The following ANTXR2 variants were observed in gnomAD, a reference collection of about 807,000 sequenced individuals.
ANTXR2 encodes anthrax toxin receptor 2.
Under a neutral mutation model 73.7 loss-of-function variants are expected in ANTXR2, and 44 were observed. That is an observed-to-expected ratio of 0.60 (90% CI 0.47 to 0.77). The LOEUF is 0.77. Ranked by LOEUF, ANTXR2 falls within the 30% of genes least tolerant of loss-of-function variation. The pLI, the probability that ANTXR2 is intolerant of heterozygous loss-of-function variation, is 0.00. For synonymous variants in ANTXR2, 217 were observed against 205.9 expected (o/e 1.05, Z -0.46); for missense variants, 604 against 592.5 (o/e 1.02, Z -0.20).
intron 16 of ANTXR2, among the ~76,000 whole-genome samples, chr4:79,919,865 T>TTATATATA (rs869257072): frequency 1.2e-3 from 21 of 17,822 alleles, no homozygotes; most frequent in South Asian, 3.9e-3. Context: ...AATACATATT[T>TTATATATA]TATATATATA....
Position 80,033,538 on chromosome 4 carries a change from A to C in ANTXR2, c.730T>G (p.Phe244Val). The C allele has an allele frequency of 6.3e-7, 1 of 1,598,446 alleles. No individual in the cohort carries two copies. The highest frequency in any genetic ancestry group is 8.5e-7 in the Non-Finnish European group (1 of 1,174,492). Residue 244 changes from phenylalanine to valine, a missense_variant, in exon 9 of 17, where the codon TTC becomes GTC. Physicochemically the swap from Phe to Val is conservative, Grantham distance 50. Coordinates refer to ENST00000403729, the MANE Select transcript of ANTXR2 (RefSeq NM_058172.6). ...CTGCCATTCCGACTGCCCAGCATGAATCCTCTTCCACTTAAGACAATCTGA... is the reference window on the plus strand; with the variant it reads ...CTGCCATTCCGACTGCCCAGCATGACTCCTCTTCCACTTAAGACAATCTGA... ...EFQIVLSGRG[F>V]MLGSRNGSVL...
rs1462071493 is a variant in ANTXR2, at chr4:79,958,573, C to T, written c.1428+19048G>A. 1.3e-5 allele frequency among the ~76,000 whole-genome samples: 2 copies of T among 152,182 alleles called. 1 individual carries two copies. Among genetic ancestry groups the T allele is most frequent in the South Asian group, 4.2e-4 (2 of 4,818 alleles). ...TGAGCCCCTCCATGCTCATTTCAGG[C>T]TGTGAAAAACGAAGGTCCTGAAACT... On this transcript the variant is annotated intron_variant, in intron 16 of 16. Coordinates refer to ENST00000403729, the MANE Select transcript of ANTXR2 (RefSeq NM_058172.6).
intron 16 of ANTXR2, among the ~76,000 whole-genome samples, chr4:79,946,296 C>G (rs754988794): frequency 4.6e-5 from 7 of 152,044 alleles, no homozygotes; most frequent in Non-Finnish European, 1.0e-4. Flanking sequence ...CAAACAAACT[C>G]TAAGACAAAG....
intron 11 of ANTXR2, among the ~76,000 whole-genome samples, chr4:80,017,552 C>G (rs4690138): frequency 0.74 from 112,729 of 152,050 alleles, 42,156 homozygotes; most frequent in East Asian, 0.95. Flanking sequence ...ATACATCCCA[C>G]ATGAGTCATT....
intron 16 of ANTXR2, among the ~76,000 whole-genome samples, chr4:79,956,627 T>C (rs1184531968): frequency 1.3e-5 from 2 of 152,110 alleles, no homozygotes; most frequent in African/African-American, 4.8e-5. Flanking sequence ...AGGTGCTCAG[T>C]GACTGTTAGC....
At chr4:79,974,083 A>C (rs1370961610) in intron 16 of ANTXR2, among the ~76,000 whole-genome samples, 1 of 152,210 alleles carries the variant, frequency 6.6e-6, no homozygotes, top group Non-Finnish European at 1.5e-5. Context: ...GGAATCATGT[A>C]GTAAACTGAG....
At chr4:79,960,281 A>C (rs1729095404) in intron 16 of ANTXR2, among the ~76,000 whole-genome samples, 1 of 152,160 alleles carries the variant, frequency 6.6e-6, no homozygotes, top group South Asian at 2.1e-4. Flanking sequence ...TCAAAACAAA[A>C]GTATGCTTAG....
intron 12 of ANTXR2, among the ~76,000 whole-genome samples, chr4:79,986,560 G>A (rs1730170148): frequency 6.6e-6 from 1 of 152,122 alleles, no homozygotes; most frequent in Admixed American, 6.5e-5. Flanking sequence ...GATAAAGAAA[G>A]ATTGACAATA....
Position 79,979,802 on chromosome 4 carries a change from C to T in ANTXR2, c.1180-1628G>A, listed in dbSNP as rs139487340. On this transcript the variant is annotated intron_variant, in intron 14 of 16. Coordinates refer to ENST00000403729, the MANE Select transcript of ANTXR2 (RefSeq NM_058172.6). ...AGATATAGCTAAATTGTATTAAAAA[C>T]TCTAAAATCAGGACACATATCCTTG... 2.6e-3 allele frequency among the ~76,000 whole-genome samples: 397 copies of T among 151,938 alleles called. 4 individuals are homozygous for T. The highest frequency in any genetic ancestry group is 9.0e-3 in the African/African-American group (372 of 41,468).
chr4:80,032,608 T>C (rs527839785), intron 9 of ANTXR2, among the ~76,000 whole-genome samples: 32 of 151,986 alleles, frequency 2.1e-4, no homozygotes, highest in African/African-American at 7.7e-4. Flanking sequence ...TTAATTGGAG[T>C]GTTTATACTC....
chr4:79,908,696 T>C (rs1313718605), intron 16 of ANTXR2, among the ~76,000 whole-genome samples: 1 of 152,136 alleles, frequency 6.6e-6, no homozygotes, highest in African/African-American at 2.4e-5. Flanking sequence ...CTACAAATCA[T>C]ATCAGTGCAA....
chr4:79,934,873 T>C (rs1728198277), intron 16 of ANTXR2, among the ~76,000 whole-genome samples: 1 of 151,966 alleles, frequency 6.6e-6, no homozygotes, highest in African/African-American at 2.4e-5. Context: ...ACTCAGCAGT[T>C]CTTTCATGAA....
At chr4:80,058,280 C>T (rs1365479658) in intron 3 of ANTXR2, among the ~76,000 whole-genome samples, 2 of 151,998 alleles carry the variant, frequency 1.3e-5, no homozygotes, top group Non-Finnish European at 2.9e-5. Flanking sequence ...GCTTATTACA[C>T]TGGAAGAGAG....
intron 3 of ANTXR2, among the ~76,000 whole-genome samples, chr4:80,058,396 A>G (rs1734099436): frequency 6.6e-6 from 1 of 152,080 alleles, no homozygotes; most frequent in African/African-American, 2.4e-5. Context: ...CTAAGAGGAA[A>G]GTGCTCCTTT....
chr4:80,015,057 C>T (rs530325667), intron 11 of ANTXR2, among the ~76,000 whole-genome samples: 1 of 152,266 alleles, frequency 6.6e-6, no homozygotes, highest in East Asian at 1.9e-4. Context: ...TTCAAAATGA[C>T]ATTAACTCTA....
At chr4:79,959,916 T>C (rs1228432608) in intron 16 of ANTXR2, among the ~76,000 whole-genome samples, 1 of 152,192 alleles carries the variant, frequency 6.6e-6, no homozygotes, top group Non-Finnish European at 1.5e-5. Context: ...TCAATCAATG[T>C]TAGGAAGTCA....
intron 16 of ANTXR2, among the ~76,000 whole-genome samples, chr4:79,931,510 T>A (rs558412390): frequency 6.1e-5 from 9 of 146,754 alleles, no homozygotes; most frequent in Non-Finnish European, 1.4e-4. Flanking sequence ...CCACCCCCAC[T>A]CCAACTTCCA....
intron 11 of ANTXR2, among the ~76,000 whole-genome samples, chr4:80,009,370 TTTG>T (rs1238492866): frequency 6.6e-6 from 1 of 152,196 alleles, no homozygotes; most frequent in Non-Finnish European, 1.5e-5. Flanking sequence ...AAAATGCCCC[TTTG>T]ATTAAACAAC....
chr4:79,984,830 CA>C lies in ANTXR2; in HGVS notation c.1074del (p.Ala359HisfsTer50), dbSNP rs312262693. ...VIKDPPPPPA[P>X]APKEEEEEPL... ...AGGCACTCACTTACCTCTTTTGGTG[CA>C]GGGGCGGGTGGTGGTGGAGGATCCT... On this transcript the variant is annotated frameshift_variant, in exon 13 of 17. Transcript: ENST00000403729. LOFTEE classifies it high-confidence loss of function. The C allele has an allele frequency of 4.0e-5, 64 of 1,607,936 alleles. No homozygotes were observed. Among genetic ancestry groups the C allele is most frequent in the African/African-American group, 1.2e-4 (9 of 74,492 alleles).
Sources: gnomAD v4.1 joint callset for allele counts (sites outside exome capture counted in the v4.1 genomes callset) on GRCh38, gnomAD v4.1.1 for gene constraint, MANE v1.5 for transcripts, NCBI Gene and HGNC (gene_info 2026-07-23, HGNC 2026-07-21) for gene names.